ABR: variants seen among roughly 807,000 people sequenced by gnomAD.
ABR encodes the protein ABR activator of RhoGEF and GTPase.
ABR carries 35 observed loss-of-function variants against 107.2 expected under a neutral mutation model. The ratio of observed to expected loss-of-function variants is 0.33; its 90% CI spans 0.25 to 0.43. The LOEUF is 0.43. ABR is among the 20% of genes least tolerant of loss of function. The pLI is 1.00. For missense variants in ABR, 815 were observed against 1,115.2 expected, an observed-to-expected ratio of 0.73 and a Z score of 3.83; for synonymous variants, 498 against 462.0, an observed-to-expected ratio of 1.08 and a Z score of -1.00.
chr17:1,095,458 T>C (rs1231596961), intron 3 of ABR, among the ~76,000 whole-genome samples: 1 of 152,186 alleles, frequency 6.6e-6, no homozygotes, highest in Non-Finnish European at 1.5e-5. Context: ...TATTTGTCTC[T>C]GGTGAAGTCC....
At chr17:1,155,500 T>G (rs1567836529) in intron 1 of ABR, among the ~76,000 whole-genome samples, 1 of 152,046 alleles carries the variant, frequency 6.6e-6, no homozygotes, top group Non-Finnish European at 1.5e-5. Flanking sequence ...TGGCAAAGGA[T>G]TCTTACATAC....
chr17:1,173,299 T>C, intron 1 of ABR, among the ~76,000 whole-genome samples: 2 of 113,184 alleles, frequency 1.8e-5, no homozygotes, highest in Non-Finnish European at 3.8e-5. Context: ...ACACATCACC[T>C]CAGTCCACCC....
At chr17:1,025,733 G>A (rs1056368669) in intron 16 of ABR, among the ~76,000 whole-genome samples, 8 of 152,088 alleles carry the variant, frequency 5.3e-5, no homozygotes, top group East Asian at 1.9e-4. Context: ...TCTCTACTGC[G>A]TTACCCAGTT....
rs759922808 is a variant in ABR at position 1,125,474 on chromosome 17, C to T, written c.62-107G>A. 25 of 1,365,194 alleles carry T rather than the reference C, an allele frequency of 1.8e-5. No individual in the cohort carries two copies. The African/African-American group carries it at 2.0e-4, about 11-fold the overall frequency. 84.6% of individuals were successfully genotyped at this position (1,365,194 alleles called of 1,614,324 possible). On this transcript the variant is annotated intron_variant, in intron 1 of 22. Coordinates refer to ENST00000302538, the MANE Select transcript of ABR (RefSeq NM_021962.5). ...GGCCCCCGGCAGCCATGGCCCCGGC[C>T]GCACCATCCACGCCTGGCCCGGGCG... is the stretch of plus-strand genomic sequence containing the variant.
At chr17:1,134,967 G>A (rs1255854150) in intron 1 of ABR, among the ~76,000 whole-genome samples, 2 of 152,266 alleles carry the variant, frequency 1.3e-5, no homozygotes, top group Non-Finnish European at 2.9e-5. Context: ...TGGATGACAC[G>A]CATACGGCAC....
upstream of ABR, among the ~76,000 whole-genome samples, chr17:1,181,634 C>T (rs2042137446): frequency 6.6e-6 from 1 of 152,152 alleles, no homozygotes; most frequent in Non-Finnish European, 1.5e-5. Flanking sequence ...AATAGAGCTT[C>T]GGCATGGGAA....
chr17:1,081,288 C>T (rs534711169), intron 5 of ABR, among the ~76,000 whole-genome samples: 2 of 152,238 alleles, frequency 1.3e-5, no homozygotes, highest in African/African-American at 2.4e-5. Flanking sequence ...TTTCCCAGGC[C>T]GGTCTTGAAC....
At chr17:1,059,013 C>T (rs994872511) in intron 10 of ABR, 146 bp from the exon 11 acceptor site, 27 of 1,248,420 alleles carry the variant, frequency 2.2e-5, no homozygotes, top group Middle Eastern at 1.9e-4. Flanking sequence ...GCAGGAGAGG[C>T]GGGTAGCTGG....
At chr17:1,125,491 G>GC in intron 1 of ABR, 124 bp from the exon 2 acceptor site, 1 of 1,087,042 alleles carries the variant, frequency 9.2e-7, no homozygotes, top group South Asian at 1.5e-5. Flanking sequence ...TCCACGCCTG[G>GC]CCCGGGCGGG....
At position 1,050,050 on chromosome 17, in the gene ABR, C is replaced by G; in HGVS notation, c.1791G>C (p.Gln597His). The G allele has an allele frequency of 6.2e-7, 1 of 1,613,718 alleles. No homozygotes were observed. The highest frequency in any genetic ancestry group is 8.5e-7 in the Non-Finnish European group (1 of 1,179,830). Residue 597 changes from glutamine (Q) to histidine (H), a missense_variant and splice_region_variant, in exon 16 of 23, where the codon CAG (glutamine) becomes CAC (histidine). By Grantham distance (24) the Gln-to-His change is conservative. Coordinates refer to ENST00000302538, the MANE Select transcript of ABR (RefSeq NM_021962.5). The surrounding 1 kb of genome is among the most constrained non-coding windows in gnomAD (Gnocchi z 4.6). ...VDKIMGKGQIQLDPQTVETKN... is the reference protein window; with the variant it reads ...VDKIMGKGQIHLDPQTVETKN... ...CCTCGCCCCGGCGCCCTGGCCTCAC[C>G]TGGATCTGTCCTTTGCCCATGATCT...
chr17:1,038,881 T>A (rs560111993), intron 16 of ABR, among the ~76,000 whole-genome samples: 9 of 152,294 alleles, frequency 5.9e-5, no homozygotes, highest in Admixed American at 3.3e-4. Context: ...CTGGAGCTGA[T>A]CCTTTGGATT....
At chr17:1,160,126 AG>A (rs1223876510) in intron 1 of ABR, among the ~76,000 whole-genome samples, 1 of 152,074 alleles carries the variant, frequency 6.6e-6, no homozygotes, top group Admixed American at 6.6e-5. Context: ...CCTGGGGTCT[AG>A]GGCCGCTGTA....
intron 16 of ABR, among the ~76,000 whole-genome samples, chr17:1,018,068 A>T (rs2071302126): frequency 6.7e-6 from 1 of 150,312 alleles, no homozygotes; most frequent in Non-Finnish European, 1.5e-5. Flanking sequence ...TTTGAGACGG[A>T]GTCTTGCTCT....
chr17:1,168,065 T>A (rs913709671), intron 1 of ABR, among the ~76,000 whole-genome samples: 1 of 152,150 alleles, frequency 6.6e-6, no homozygotes, highest in Admixed American at 6.5e-5. Context: ...GGTGGGCAGA[T>A]AACCTGAGGT....
At chr17:1,178,686 G>T (rs1028639774) in intron 1 of ABR, among the ~76,000 whole-genome samples, 4 of 152,156 alleles carry the variant, frequency 2.6e-5, no homozygotes, top group Non-Finnish European at 5.9e-5. Flanking sequence ...GAGATGTGCT[G>T]AGAGAGTGGG....
At chr17:1,077,277 C>T (rs758246976) in intron 6 of ABR, among the ~76,000 whole-genome samples, 2 of 152,176 alleles carry the variant, frequency 1.3e-5, no homozygotes, top group Admixed American at 6.5e-5. Context: ...CCCTTTCACT[C>T]CTCATTCCCC....
At chr17:1,009,805 T>C (rs1199123200) in intron 20 of ABR, 21 bp from the exon 21 acceptor site, 1 of 1,606,886 alleles carries the variant, frequency 6.2e-7, no homozygotes, top group Non-Finnish European at 8.5e-7. Context: ...GAAGGGCCAG[T>C]GTGGCGTTTG....
At chr17:1,034,381 G>A (rs368546442) in intron 16 of ABR, among the ~76,000 whole-genome samples, 12 of 152,176 alleles carry the variant, frequency 7.9e-5, no homozygotes, top group African/African-American at 2.9e-4. Context: ...AGAAAGCAGA[G>A]ATGTCCATCA....
At chr17:1,100,080 C>T (rs1481094563) in intron 3 of ABR, among the ~76,000 whole-genome samples, 11 of 148,578 alleles carry the variant, frequency 7.4e-5, no homozygotes, top group African/African-American at 1.0e-4. Flanking sequence ...GAGCCGAGAT[C>T]GCACCACTGC....
Sources: allele counts gnomAD v4.1 joint callset (sites outside exome capture counted in the v4.1 genomes callset), GRCh38; gene constraint gnomAD v4.1.1; non-coding constraint Gnocchi (gnomAD v3.1); transcripts MANE v1.5; gene names NCBI Gene and HGNC (gene_info 2026-07-23, HGNC 2026-07-21).